Variants in ZZEF1 observed in about 807,000 individuals in gnomAD.
The protein encoded by ZZEF1 is zinc finger ZZ-type and EF-hand domain containing 1, also known as zinc finger ZZ-type and EF-hand domain-containing protein 1.
A neutral mutation model predicts 342.8 loss-of-function variants in ZZEF1; 157 were observed. The observed-to-expected ratio is 0.46, with a 90% CI of 0.40 to 0.52. The LOEUF is 0.52. Ranked by LOEUF, ZZEF1 falls within the 20% of genes least tolerant of loss-of-function variation. The pLI is 0.00. For missense variants in ZZEF1, 3,480 were observed against 3,725.6 expected, an observed-to-expected ratio of 0.93 and a Z score of 1.72; for synonymous variants, 1,505 against 1,429.1, an observed-to-expected ratio of 1.05 and a Z score of -1.20.
chr17:4,114,213 T>A, intron 4 of ZZEF1, 86 bp downstream of exon 4: 1 of 1,133,170 alleles, frequency 8.8e-7, no homozygotes, highest in African/African-American at 1.6e-5. Context: ...AGCATCTTCA[T>A]AGCCACTTAA....
intron 1 of ZZEF1, among the ~76,000 whole-genome samples, chr17:4,129,537 G>A (rs1312540875): frequency 6.6e-6 from 1 of 151,830 alleles, no homozygotes; most frequent in African/African-American, 2.4e-5. Context: ...ACATAAATAA[G>A]GTAAAAAGAA....
At chr17:4,106,682 C>A (rs1303448767) in intron 6 of ZZEF1, among the ~76,000 whole-genome samples, 1 of 152,078 alleles carries the variant, frequency 6.6e-6, no homozygotes, top group African/African-American at 2.4e-5. Flanking sequence ...CTTTCTGAAT[C>A]CCCCAATAGC....
intron 1 of ZZEF1, among the ~76,000 whole-genome samples, chr17:4,139,547 T>C (rs1313471711): frequency 1.3e-5 from 2 of 152,230 alleles, no homozygotes; most frequent in Non-Finnish European, 2.9e-5. Context: ...CAGAATTAAC[T>C]GTGTAAGTAT....
At position 4,112,791 on chromosome 17, in the gene ZZEF1, T is replaced by C. The variant is rs1223897861; in HGVS notation, c.884A>G (p.Asp295Gly). 2.2e-5 allele frequency: 34 copies of C among 1,571,412 alleles called. No individual in the cohort carries two copies. The highest frequency in any genetic ancestry group is 2.8e-5 in the Non-Finnish European group (32 of 1,157,154). Reference protein sequence around the residue: ...SHWIRLKMKPDVVLRHLSIAV... With the variant: ...SHWIRLKMKPGVVLRHLSIAV... ...AATGGACAGGTGCCTAAGCACAACATCTGGCTTCATTTTTAAACTGGAAAA... is the reference window on the plus strand; with the variant it reads ...AATGGACAGGTGCCTAAGCACAACACCTGGCTTCATTTTTAAACTGGAAAA... The change falls in exon 5 of 55, where the codon GAT (aspartate) becomes GGT (glycine). Residue 295 changes from aspartate to glycine, a missense_variant. Coordinates refer to ENST00000381638, the MANE Select transcript of ZZEF1 (RefSeq NM_015113.4).
rs1403579524 is a variant in ZZEF1 at position 4,064,553 on chromosome 17, G to A, written c.4526C>T (p.Ser1509Phe). ...SSSGLPAADVSPATAEEPLSP... is the reference protein window; with the variant it reads ...SSSGLPAADVFPATAEEPLSP... ...CAAGGGCTCTTCAGCTGTGGCAGGG[G>A]ACACGTCTGCAGCAGGAAGGCCACT... The change falls in exon 29 of 55, where the codon TCC becomes TTC. Residue 1509 changes from serine (S) to phenylalanine (F), a missense_variant. Coordinates refer to ENST00000381638, the MANE Select transcript of ZZEF1 (RefSeq NM_015113.4). 6.2e-7 allele frequency: 1 copy of A among 1,614,052 alleles called. No homozygotes were observed. The highest frequency in any genetic ancestry group is 8.5e-7 in the Non-Finnish European group (1 of 1,180,032).
At chr17:4,081,817 T>C (rs925259249) in intron 17 of ZZEF1, among the ~76,000 whole-genome samples, 1 of 147,398 alleles carries the variant, frequency 6.8e-6, no homozygotes, top group Non-Finnish European at 1.5e-5. Flanking sequence ...TAAACGTTCC[T>C]TGTGTCTTCA....
Position 4,044,376 on chromosome 17 carries a change from TA to T in ZZEF1, c.6016-3del. The T allele has an allele frequency of 1.2e-6, 2 of 1,601,262 alleles. No homozygotes were observed. Among genetic ancestry groups the T allele is most frequent in the Non-Finnish European group, 1.7e-6 (2 of 1,175,896 alleles). On this transcript the variant is annotated splice_region_variant and splice_polypyrimidine_tract_variant and intron_variant, in intron 37 of 54. Transcript: ENST00000381638. ...TTCCTCATGAACAGCTCTCTTTCCC[TA>T]AAAAAACAAAAGTGTAAAAGAATTA...
chr17:4,018,290 T>A (rs1209821437), intron 46 of ZZEF1, among the ~76,000 whole-genome samples: 1 of 152,200 alleles, frequency 6.6e-6, no homozygotes, highest in Non-Finnish European at 1.5e-5. Context: ...TTGTTTTTTT[T>A]AGAGATGACG....
At chr17:4,046,560 C>T (rs1010874561) in intron 37 of ZZEF1, among the ~76,000 whole-genome samples, 4 of 152,176 alleles carry the variant, frequency 2.6e-5, no homozygotes, top group African/African-American at 9.7e-5. Context: ...ACTCAGCCTC[C>T]CCTCTGCATA....
Position 4,142,962 on chromosome 17 carries a change from C to A in ZZEF1, c.-67G>T. 2 of 1,280,834 alleles carry A rather than the reference C, an allele frequency of 1.6e-6. No individual in the cohort carries two copies. Among genetic ancestry groups the A allele is most frequent in the East Asian group, 6.3e-5 (2 of 31,620 alleles). The allele number at this position is 1,280,834 out of a possible 1,614,324, so 79.3% of individuals were successfully genotyped here. Reference sequence around the variant, plus strand: ...CCGCCTCCCCGCCTCGACCTGTCAACCTCCGACAGCAGCTGGCGGGCGGGG... The same window carrying A: ...CCGCCTCCCCGCCTCGACCTGTCAAACTCCGACAGCAGCTGGCGGGCGGGG... On this transcript the variant is annotated 5_prime_UTR_variant, in exon 1 of 55. Transcript: ENST00000381638.
chr17:4,008,623 A>C lies in ZZEF1; in HGVS notation c.8805+260T>G, dbSNP rs2055863713. ...AAACTTCAAGAATCAGCCAAACTAAATTTAAGGCATCGGTTGTTTTGGTTT... is the reference window on the plus strand; with the variant it reads ...AAACTTCAAGAATCAGCCAAACTAACTTTAAGGCATCGGTTGTTTTGGTTT... On this transcript the variant is annotated intron_variant, in intron 54 of 54. Transcript: ENST00000381638. This position sits in a 1 kb window ranked among gnomAD's most constrained non-coding sequence, Gnocchi z 4.2. 2 of 1,191,458 alleles carry C rather than the reference A, an allele frequency of 1.7e-6. No individual in the cohort carries two copies. The highest frequency in any genetic ancestry group is 1.0e-6 in the Non-Finnish European group (1 of 960,492). The allele number at this position is 1,191,458 out of a possible 1,614,324, so 73.8% of individuals were successfully genotyped here.
At chr17:4,010,355 TA>T (rs11290283) in intron 52 of ZZEF1, among the ~76,000 whole-genome samples, 71,445 of 147,618 alleles carry the variant, frequency 0.48, 19,199 homozygotes, top group African/African-American at 0.75. Flanking sequence ...CCTTGTCTCT[TA>T]AAAAAAAAAA....
Position 4,064,730 on chromosome 17 carries a change from G to A in ZZEF1, c.4349C>T (p.Thr1450Ile). The A allele has an allele frequency of 6.2e-7, 1 of 1,614,046 alleles. No homozygotes were observed. ...CTTGTTGAGTGGCTGGAGATGACTG[G>A]TTTCATCAGCAGTCTCCAACTTTTC... ...SCEKLETADE[T>I]SHLQPLNKRQ... Residue 1450 changes from threonine (T) to isoleucine (I), a missense_variant, in exon 29 of 55, where the codon ACC becomes ATC. By Grantham distance (89) the Thr-to-Ile change is moderately conservative. This residue lies in a region of ZZEF1 where 1,528 missense variants were observed against 1,624.1 expected (regional missense o/e 0.94). Transcript: ENST00000381638.
At chr17:4,010,263 A>C (rs1316878800) in intron 52 of ZZEF1, among the ~76,000 whole-genome samples, 1 of 152,014 alleles carries the variant, frequency 6.6e-6, no homozygotes, top group East Asian at 1.9e-4. Flanking sequence ...CTGAGGTGGG[A>C]GGACTGCTTG....
intron 16 of ZZEF1, among the ~76,000 whole-genome samples, chr17:4,083,071 C>T (rs1223668675): frequency 6.6e-6 from 1 of 152,160 alleles, no homozygotes; most frequent in Non-Finnish European, 1.5e-5. Flanking sequence ...CCACCGCACC[C>T]AGCTGATAAT....
chr17:4,050,294 C>T (rs2057017824), intron 36 of ZZEF1, among the ~76,000 whole-genome samples: 1 of 152,222 alleles, frequency 6.6e-6, no homozygotes, highest in African/African-American at 2.4e-5. Context: ...ATGCCATTAT[C>T]TGAAGGAACT....
intron 18 of ZZEF1, among the ~76,000 whole-genome samples, chr17:4,080,927 G>GT (rs1182352776): frequency 1.1e-4 from 16 of 152,242 alleles, no homozygotes; most frequent in African/African-American, 2.9e-4. Flanking sequence ...GTGATCATTT[G>GT]TAAGAGTCAA....
chr17:4,066,300 C>T, intron 28 of ZZEF1, 147 bp downstream of exon 28: 1 of 699,436 alleles, frequency 1.4e-6, no homozygotes, highest in Middle Eastern at 3.8e-4. Context: ...ATGATACATC[C>T]TTGGATACTA....
At chr17:4,098,719 A>G (rs1246345680) in intron 9 of ZZEF1, among the ~76,000 whole-genome samples, 1 of 152,238 alleles carries the variant, frequency 6.6e-6, no homozygotes, top group Non-Finnish European at 1.5e-5. Context: ...ATGGAGTTCA[A>G]GCCAACAAAA....
Sources: gnomAD v4.1 joint callset for allele counts (sites outside exome capture counted in the v4.1 genomes callset) on GRCh38, gnomAD v4.1.1 for gene constraint, gnomAD v4.1.1 regional missense constraint, Gnocchi (gnomAD v3.1) non-coding constraint, MANE v1.5 for transcripts, NCBI Gene and HGNC (gene_info 2026-07-23, HGNC 2026-07-21) for gene names.